The following CNTN4 variants were observed in gnomAD, a reference collection of about 807,000 sequenced individuals.
CNTN4 encodes contactin-4.
CNTN4 carries 77 observed loss-of-function variants against 122.5 expected under a neutral mutation model. The ratio of observed to expected loss-of-function variants is 0.63; its 90% CI spans 0.52 to 0.76. CNTN4 has a LOEUF of 0.76. Among genes scored for constraint, CNTN4 ranks in the 30% least tolerant of loss-of-function variants. The pLI is 0.00. For missense variants in CNTN4, 1,256 were observed against 1,259.1 expected (o/e 1.00, Z 0.04); for synonymous variants, 512 against 447.0 (o/e 1.15, Z -1.83).
chr3:2,764,226 T>C (rs1000977255), intron 6 of CNTN4, among the ~76,000 whole-genome samples: 8 of 152,256 alleles, frequency 5.3e-5, no homozygotes, highest in Admixed American at 2.6e-4. Flanking sequence ...ACACTAGAAA[T>C]ATGTGATCAC....
Position 2,568,008 on chromosome 3 carries a change from C to T in CNTN4, c.-88-3408C>T, listed in dbSNP as rs543286550. 4.6e-5 allele frequency among the ~76,000 whole-genome samples: 7 copies of T among 152,244 alleles called. No homozygotes were observed. The South Asian group carries it at 1.5e-3, about 32-fold the overall frequency. ...AACTGTGAGCTCCTTGAGGACAAGA[C>T]CCGCACCTCCCTAACCTCTGCACAC... is the stretch of plus-strand genomic sequence containing the variant. On this transcript the variant is annotated intron_variant, in intron 3 of 24. Transcript: ENST00000418658.
intron 2 of CNTN4, among the ~76,000 whole-genome samples, chr3:2,301,909 C>G (rs1289219843): frequency 6.6e-6 from 1 of 152,142 alleles, no homozygotes; most frequent in Admixed American, 6.5e-5. Flanking sequence ...GAGAAATCAG[C>G]AATAACATCA....
intron 3 of CNTN4, among the ~76,000 whole-genome samples, chr3:2,460,769 A>G (rs183159741): frequency 4.9e-4 from 75 of 152,320 alleles, no homozygotes; most frequent in Non-Finnish European, 9.0e-4. Context: ...GGGCATCTCT[A>G]CCAGAGATTC....
intron 2 of CNTN4, among the ~76,000 whole-genome samples, chr3:2,120,354 TA>T (rs2033642776): frequency 2.2e-5 from 1 of 45,852 alleles, no homozygotes; most frequent in African/African-American, 8.2e-5. Context: ...ATTTAGGTTA[TA>T]TATATATATA....
At chr3:2,988,261 A>G in intron 13 of CNTN4, 84 bp from the exon 14 acceptor site, 1 of 1,303,476 alleles carries the variant, frequency 7.7e-7, no homozygotes, top group Non-Finnish European at 1.1e-6. Context: ...TATGGTTTGA[A>G]CAATGACAGA....
intron 3 of CNTN4, among the ~76,000 whole-genome samples, chr3:2,482,471 C>A (rs1303664655): frequency 6.6e-6 from 1 of 152,034 alleles, no homozygotes; most frequent in Non-Finnish European, 1.5e-5. Flanking sequence ...TTCAAGCCAG[C>A]TGCAGAAAAT....
chr3:2,610,338 G>C (rs1271463269), intron 4 of CNTN4, among the ~76,000 whole-genome samples: 3 of 152,154 alleles, frequency 2.0e-5, no homozygotes, highest in Non-Finnish European at 2.9e-5. Context: ...TATTTCTTCA[G>C]TTGCCATCCT....
At chr3:2,187,270 C>T (rs879945185) in intron 2 of CNTN4, among the ~76,000 whole-genome samples, 24 of 152,158 alleles carry the variant, frequency 1.6e-4, no homozygotes, top group Admixed American at 9.2e-4. Flanking sequence ...GGGCTCTGTT[C>T]GGTTCCATTG....
chr3:2,338,087 A>G (rs2044029222), intron 2 of CNTN4, among the ~76,000 whole-genome samples: 1 of 152,088 alleles, frequency 6.6e-6, no homozygotes, highest in East Asian at 1.9e-4. Context: ...CATAGGAAAC[A>G]TTTTCTTACA....
Position 2,702,774 on chromosome 3 carries a change from A to T in CNTN4, c.56-33441A>T, listed in dbSNP as rs536083615. Among the ~76,000 whole-genome samples, 354 of 152,148 alleles carry T rather than the reference A, an allele frequency of 2.3e-3. 1 individual carries two copies. The highest frequency in any genetic ancestry group is 8.2e-3 in the African/African-American group (341 of 41,420). ...GTTCATGTGCACGTGAACTGTATGG[A>T]AGGATATAGCTAAGGACAAAAAGGA... On this transcript the variant is annotated intron_variant, in intron 4 of 24. Coordinates refer to ENST00000418658, the MANE Select transcript of CNTN4 (RefSeq NM_175607.3).
At chr3:2,316,226 T>C (rs2043093170) in intron 2 of CNTN4, among the ~76,000 whole-genome samples, 1 of 152,122 alleles carries the variant, frequency 6.6e-6, no homozygotes, top group South Asian at 2.1e-4. Flanking sequence ...AGATATTAAG[T>C]ACTCTAGCAG....
intron 13 of CNTN4, among the ~76,000 whole-genome samples, chr3:2,965,983 T>C (rs6787158): frequency 0.028 from 4,196 of 152,280 alleles, 110 homozygotes; most frequent in Admixed American, 0.054. Flanking sequence ...TTATTTTATC[T>C]GTCTCATATT....
At chr3:2,284,350 A>T (rs1288477541) in intron 2 of CNTN4, among the ~76,000 whole-genome samples, 1 of 152,146 alleles carries the variant, frequency 6.6e-6, no homozygotes, top group African/African-American at 2.4e-5. Flanking sequence ...AGGCCAATCT[A>T]TAGTATACAT....
intron 2 of CNTN4, among the ~76,000 whole-genome samples, chr3:2,160,041 T>C (rs2035891637): frequency 6.6e-6 from 1 of 152,190 alleles, no homozygotes; most frequent in Non-Finnish European, 1.5e-5. Flanking sequence ...CCTGTATTAA[T>C]AAAATGGCTT....
At chr3:2,520,647 AG>A (rs2077179873) in intron 3 of CNTN4, among the ~76,000 whole-genome samples, 1 of 152,060 alleles carries the variant, frequency 6.6e-6, no homozygotes, top group Admixed American at 6.6e-5. Context: ...TGCAAATGAG[AG>A]GGATAGAAAA....
intron 2 of CNTN4, among the ~76,000 whole-genome samples, chr3:2,129,520 A>G (rs1371058611): frequency 6.6e-6 from 1 of 152,006 alleles, no homozygotes; most frequent in African/African-American, 2.4e-5. Context: ...GGGCATGTTT[A>G]TAGACTTTGA....
At chr3:2,485,531 G>C (rs1418956499) in intron 3 of CNTN4, among the ~76,000 whole-genome samples, 2 of 151,780 alleles carry the variant, frequency 1.3e-5, no homozygotes, top group Non-Finnish European at 2.9e-5. Flanking sequence ...TTTTTGTCTA[G>C]CTTAGGGATT....
chr3:2,188,931 A>G (rs1374434696), intron 2 of CNTN4, among the ~76,000 whole-genome samples: 1 of 152,164 alleles, frequency 6.6e-6, no homozygotes, highest in South Asian at 2.1e-4. Flanking sequence ...ACTGCAAATC[A>G]TGCCCCAAGT....
At chr3:2,242,315 G>C (rs1357350875) in intron 2 of CNTN4, among the ~76,000 whole-genome samples, 1 of 152,056 alleles carries the variant, frequency 6.6e-6, no homozygotes, top group Non-Finnish European at 1.5e-5. Flanking sequence ...TGTTTCATCT[G>C]ATTTGGTCCA....
Sources: gnomAD v4.1 joint callset for allele counts (sites outside exome capture counted in the v4.1 genomes callset) on GRCh38, gnomAD v4.1.1 for gene constraint, MANE v1.5 for transcripts, NCBI Gene and HGNC (gene_info 2026-07-23, HGNC 2026-07-21) for gene names.